Variants in TRANK1 observed in about 807,000 individuals in gnomAD.
The protein encoded by TRANK1 is TPR and ankyrin repeat-containing protein 1.
A neutral mutation model predicts 266.0 loss-of-function variants in TRANK1; 198 were observed. That is an observed-to-expected ratio of 0.74 (90% confidence interval 0.66 to 0.84). The LOEUF (loss-of-function observed/expected upper bound fraction) is 0.84, where lower values mean the gene tolerates loss of function less well. Ranked by LOEUF, TRANK1 falls within the 40% of genes least tolerant of loss-of-function variation. The probability of loss-of-function intolerance (pLI) is 0.00; values close to 1 mark genes in which losing one functional copy is unlikely to be tolerated. For missense variants in TRANK1, 3,326 were observed against 3,634.6 expected, an observed-to-expected ratio of 0.92 and a Z score of 2.18; for synonymous variants, 1,396 against 1,384.1, an observed-to-expected ratio of 1.01 and a Z score of -0.19.
intron 8 of TRANK1, among the ~76,000 whole-genome samples, chr3:36,886,131 T>G (rs1442942201): frequency 4.7e-5 from 3 of 64,384 alleles, no homozygotes; most frequent in African/African-American, 1.1e-4. Context: ...TTGTTGTTGT[T>G]TTTTTTTTTT....
chr3:36,868,763 G>T (rs944744037), intron 9 of TRANK1, among the ~76,000 whole-genome samples: 1 of 152,182 alleles, frequency 6.6e-6, no homozygotes, highest in Non-Finnish European at 1.5e-5. Flanking sequence ...AAAGGAAGAA[G>T]TATGACAGAC....
At position 36,889,923 on chromosome 3, in the gene TRANK1, C is replaced by T. The variant is rs573658110; in HGVS notation, c.813G>A (p.Lys271=). The T allele has an allele frequency of 4.6e-6, 7 of 1,537,174 alleles. No individual in the cohort carries two copies. Among genetic ancestry groups the T allele is most frequent in the Middle Eastern group, 1.7e-4 (1 of 5,990 alleles). The change falls in exon 8 of 24, where the codon AAG becomes AAA. Residue 271 remains lysine, a synonymous_variant. Transcript: ENST00000645898. ...GGTTAATGCGGCCTTTCCACTCGGG[C>T]TTGTGATCCATTAACCACCGGAAAA... ...NHLFRWLMDH[K]PEWKGRINQK...
At chr3:36,851,225 C>G in intron 15 of TRANK1, 1 of 986,108 alleles carries the variant, frequency 1.0e-6, no homozygotes, top group African/African-American at 1.7e-5. Flanking sequence ...AGAGGGGTCT[C>G]TCATGCAAGG....
intron 20 of TRANK1, 150 bp from the exon 21 acceptor site, chr3:36,835,057 C>T (rs1479846548): frequency 8.8e-6 from 7 of 793,382 alleles, no homozygotes; most frequent in African/African-American, 1.8e-5. Flanking sequence ...TGGTGGCTCA[C>T]GCCTGTAATC....
In TRANK1 at chr3:36,852,775, TAAAAAA is replaced by T. The variant is rs761417309; in HGVS notation, c.4550-436_4550-431del. Among the ~76,000 whole-genome samples the T allele has an allele frequency of 8.5e-3, 1,022 of 120,170 alleles. 10 individuals carry two copies. The highest frequency in any genetic ancestry group is 0.029 in the African/African-American group (907 of 30,802). The allele number at this position is 120,170 out of a possible 152,430, so 78.8% of individuals were successfully genotyped here. On this transcript the variant is annotated intron_variant, in intron 13 of 23. Coordinates refer to ENST00000645898, the MANE Select transcript of TRANK1 (RefSeq NM_001329998.2). Reference sequence around the variant, plus strand: ...TGACAGAGCGAGACTCCATCTCAATTAAAAAAAAAAAAAAAAAAAAAAAACAATGAG... The same window carrying T: ...TGACAGAGCGAGACTCCATCTCAATTAAAAAAAAAAAAAAAAAACAATGAG...
chr3:36,918,518 AGAAAGAAAGAAAGAAG>A (rs1304831607), intron 1 of TRANK1, among the ~76,000 whole-genome samples: 27 of 35,320 alleles, frequency 7.6e-4, no homozygotes, highest in Admixed American at 1.3e-3. Context: ...AAAGAAAGAA[AGAAAGAAAGAAAGAAG>A]GAAGGAAGGA....
intron 18 of TRANK1, among the ~76,000 whole-genome samples, chr3:36,839,993 GC>G (rs1172622651): frequency 6.6e-6 from 1 of 152,142 alleles, no homozygotes; most frequent in Non-Finnish European, 1.5e-5. Context: ...TGAAGAGAAG[GC>G]TTTTTATAAC....
chr3:36,932,810 TGA>T (rs1244759766), intron 1 of TRANK1, among the ~76,000 whole-genome samples: 3 of 152,196 alleles, frequency 2.0e-5, no homozygotes, highest in African/African-American at 7.2e-5. Flanking sequence ...TACTGAACTA[TGA>T]GAGAGTACAT....
At position 36,908,186 on chromosome 3, in the gene TRANK1, T is replaced by A. The variant is rs1278370799; in HGVS notation, c.155+137A>T. ...TCCCTGTTCACTTCTAAGCTGACAA[T>A]GCAGAGAAGATAAATAGGAAGTGAG... On this transcript the variant is annotated intron_variant, in intron 2 of 23. Coordinates refer to ENST00000645898, the MANE Select transcript of TRANK1 (RefSeq NM_001329998.2). 4.9e-6 allele frequency: 5 copies of A among 1,016,178 alleles called. No homozygotes were observed. The Admixed American group carries it at 2.1e-4, about 44-fold the overall frequency. The allele number at this position is 1,016,178 out of a possible 1,614,324, so 62.9% of individuals were successfully genotyped here. A position where few individuals can be genotyped will look rare whatever the true frequency, so the allele number is the denominator to read the frequency against.
chr3:36,944,824 G>T lies in TRANK1; in HGVS notation c.-15C>A, dbSNP rs1240984764. Reference sequence around the variant, plus strand: ...GGGTCCCACATGGCTGCGGCCGGAGGGTCCGCACCAGGACCGCCGCCGCCT... The same window carrying T: ...GGGTCCCACATGGCTGCGGCCGGAGTGTCCGCACCAGGACCGCCGCCGCCT... On this transcript the variant is annotated 5_prime_UTR_variant, in exon 1 of 24. Transcript: ENST00000645898. 6.7e-7 allele frequency: 1 copy of T among 1,483,336 alleles called. No individual in the cohort carries two copies. The highest frequency in any genetic ancestry group is 8.9e-7 in the Non-Finnish European group (1 of 1,123,724). 91.9% of individuals were successfully genotyped at this position (1,483,336 alleles called of 1,614,324 possible). A position where few individuals can be genotyped will look rare whatever the true frequency, so the allele number is the denominator to read the frequency against.
chr3:36,834,688 C>T lies in TRANK1; in HGVS notation c.5663+74G>A, dbSNP rs942995085. 3 of 1,527,814 alleles carry T rather than the reference C, an allele frequency of 2.0e-6. No homozygotes were observed. In the African/African-American group the frequency reaches 4.2e-5, roughly 21 times the overall value. The allele number at this position is 1,527,814 out of a possible 1,614,324, so 94.6% of individuals were successfully genotyped here. A position where few individuals can be genotyped will look rare whatever the true frequency, so the allele number is the denominator to read the frequency against. Reference sequence around the variant, plus strand: ...CCATGTCAGAAGCAGCAGGATAGCACCACCCAGAGCAGGCTGCCCCCAGAG... The same window carrying T: ...CCATGTCAGAAGCAGCAGGATAGCATCACCCAGAGCAGGCTGCCCCCAGAG... On this transcript the variant is annotated intron_variant, in intron 21 of 23. Coordinates refer to ENST00000645898, the MANE Select transcript of TRANK1 (RefSeq NM_001329998.2).
At chr3:36,843,288 G>A (rs1028328616) in intron 17 of TRANK1, among the ~76,000 whole-genome samples, 1 of 152,122 alleles carries the variant, frequency 6.6e-6, no homozygotes, top group Non-Finnish European at 1.5e-5. Context: ...TGGTTTTTAA[G>A]TTTTGGTCTA....
Position 36,855,237 on chromosome 3 carries a change from C to A in TRANK1, c.4485G>T (p.Lys1495Asn). The A allele has an allele frequency of 1.2e-6, 2 of 1,614,034 alleles. No individual in the cohort carries two copies. The highest frequency in any genetic ancestry group is 2.2e-5 in the South Asian group (2 of 91,088). ...FHYASRNTID[K>N]QCAVRKPKKI... Reference sequence around the variant, plus strand: ...TCTTGGGCTTCCGGACAGCACACTGCTTGTCTATGGTGTTTCTGCTGGCAT... The same window carrying A: ...TCTTGGGCTTCCGGACAGCACACTGATTGTCTATGGTGTTTCTGCTGGCAT... The change falls in exon 13 of 24, where the codon AAG becomes AAT. Residue 1495 changes from lysine to asparagine, a missense_variant. Lys to Asn is a moderately conservative substitution (Grantham distance 94, BLOSUM62 0). Coordinates refer to ENST00000645898, the MANE Select transcript of TRANK1 (RefSeq NM_001329998.2).
Position 36,944,780 on chromosome 3 carries a change from T to C in TRANK1, c.23+7A>G. ...GATGCCCCAGTGCTTCCCGCGCCGC[T>C]ACGCACCTAGCTGCCCGCGGGTCCC... is the stretch of plus-strand genomic sequence containing the variant. On this transcript the variant is annotated splice_region_variant and intron_variant, in intron 1 of 23. Transcript: ENST00000645898. The C allele has an allele frequency of 6.7e-7, 1 of 1,497,156 alleles. No homozygotes were observed. The highest frequency in any genetic ancestry group is 8.8e-7 in the Non-Finnish European group (1 of 1,130,326). 92.7% of individuals were successfully genotyped at this position (1,497,156 alleles called of 1,614,324 possible). A position where few individuals can be genotyped will look rare whatever the true frequency, so the allele number is the denominator to read the frequency against.
In TRANK1 at chr3:36,856,920, G is replaced by A. The variant is rs565046368; in HGVS notation, c.2802C>T (p.Ile934=). The A allele has an allele frequency of 4.1e-5, 66 of 1,613,848 alleles. 1 individual carries two copies. The South Asian group carries it at 7.0e-4, about 17-fold the overall frequency. ...NTCAMEKSGR[I]YTEIIRIWDI... Reference sequence around the variant, plus strand: ...CCCAAATCCGGATGATTTCCGTGTAGATCCGCCCTGATTTCTCCATTGCAC... The same window carrying A: ...CCCAAATCCGGATGATTTCCGTGTAAATCCGCCCTGATTTCTCCATTGCAC... The change falls in exon 13 of 24, where the codon ATC becomes ATT. Residue 934 remains isoleucine, a synonymous_variant. Transcript: ENST00000645898.
intron 8 of TRANK1, among the ~76,000 whole-genome samples, chr3:36,881,521 G>A (rs912204693): frequency 3.3e-5 from 5 of 151,726 alleles, no homozygotes; most frequent in African/African-American, 1.2e-4. Flanking sequence ...GCTGAGGCAG[G>A]AGAATCGCTT....
intron 1 of TRANK1, among the ~76,000 whole-genome samples, chr3:36,930,971 C>T (rs1236664180): frequency 6.6e-6 from 1 of 151,970 alleles, no homozygotes; most frequent in Non-Finnish European, 1.5e-5. Context: ...AAAAGAAAAG[C>T]ACTAACAGAA....
intron 17 of TRANK1, among the ~76,000 whole-genome samples, chr3:36,845,068 C>A (rs898364370): frequency 5.9e-5 from 9 of 151,794 alleles, no homozygotes; most frequent in Admixed American, 4.6e-4. Flanking sequence ...TAAAAAAAAA[C>A]CCTGCAAATA....
chr3:36,849,012 C>T (rs1438880768), intron 15 of TRANK1, among the ~76,000 whole-genome samples: 1 of 152,034 alleles, frequency 6.6e-6, no homozygotes, highest in Non-Finnish European at 1.5e-5. Context: ...TTTAGGAGTG[C>T]GCTTATGTAC....
Sources: allele counts gnomAD v4.1 joint callset (sites outside exome capture counted in the v4.1 genomes callset), GRCh38; gene constraint gnomAD v4.1.1; transcripts MANE v1.5; gene names NCBI Gene and HGNC (gene_info 2026-07-23, HGNC 2026-07-21).